Variants in PI4K2B observed in about 807,000 individuals in gnomAD.
PI4K2B encodes phosphatidylinositol 4-kinase type 2 beta.
Under a neutral mutation model 56.6 loss-of-function variants are expected in PI4K2B, and 46 were observed. The observed-to-expected ratio is 0.81, with a 90% CI of 0.64 to 1.04. The LOEUF is 1.04. Among genes scored for constraint, PI4K2B ranks in the 50% least tolerant of loss-of-function variants. The pLI is 0.00. For missense variants in PI4K2B, 556 were observed against 607.7 expected (o/e 0.91, Z 0.89); for synonymous variants, 211 against 223.8 (o/e 0.94, Z 0.51).
chr4:25,260,185 A>T (rs1716406369), intron 5 of PI4K2B, among the ~76,000 whole-genome samples: 1 of 152,152 alleles, frequency 6.6e-6, no homozygotes, highest in African/African-American at 2.4e-5. Flanking sequence ...TAGGGGGTTA[A>T]TGCTTTTTCT....
At position 25,278,716 on chromosome 4, in the gene PI4K2B, A is replaced by G. The variant is rs1413454782; in HGVS notation, c.*1529A>G. 6.6e-6 allele frequency: 1 copy of G among 152,658 alleles called. No individual in the cohort carries two copies. Among genetic ancestry groups the G allele is most frequent in the African/African-American group, 2.4e-5 (1 of 41,462 alleles). The allele number at this position is 152,658 out of a possible 1,614,324, so 9.5% of individuals were successfully genotyped here. ...CTTTAGATATAAACACTAGTAATTA[A>G]AATGTGCCTTTTGAAGATGTTTTCT... On this transcript the variant is annotated 3_prime_UTR_variant, in exon 10 of 10. Transcript: ENST00000264864.
At chr4:25,262,801 C>T (rs1445725853) in intron 6 of PI4K2B, among the ~76,000 whole-genome samples, 1 of 152,188 alleles carries the variant, frequency 6.6e-6, no homozygotes, top group East Asian at 1.9e-4. Flanking sequence ...TTACCTTCCG[C>T]AGAAATACTC....
intron 9 of PI4K2B, among the ~76,000 whole-genome samples, chr4:25,273,862 A>C (rs1226944124): frequency 1.3e-5 from 2 of 152,210 alleles, no homozygotes; most frequent in Non-Finnish European, 2.9e-5. Context: ...GGCTCCAAAC[A>C]GTGCATCTAC....
At chr4:25,267,851 A>T in intron 7 of PI4K2B, 1 of 982,698 alleles carries the variant, frequency 1.0e-6, no homozygotes, top group Non-Finnish European at 1.2e-6. Context: ...AAAGTTTAGA[A>T]CATCTTCTGT....
At chr4:25,237,699 A>G (rs1251075496) in intron 1 of PI4K2B, among the ~76,000 whole-genome samples, 1 of 152,168 alleles carries the variant, frequency 6.6e-6, no homozygotes, top group Non-Finnish European at 1.5e-5. Context: ...GAGGCTGGGC[A>G]TGGTGGCTTA....
chr4:25,254,223 G>C (rs888671252), intron 2 of PI4K2B, among the ~76,000 whole-genome samples: 1 of 152,142 alleles, frequency 6.6e-6, no homozygotes, highest in Non-Finnish European at 1.5e-5. Flanking sequence ...GATGTCCACT[G>C]TTCATCAGAT....
intron 1 of PI4K2B, among the ~76,000 whole-genome samples, chr4:25,240,490 G>C (rs1376228495): frequency 1.3e-5 from 2 of 152,142 alleles, no homozygotes; most frequent in Admixed American, 6.5e-5. Context: ...TATAAGTAGG[G>C]GTATTAATTG....
At chr4:25,267,111 A>T (rs1047430083) in intron 7 of PI4K2B, among the ~76,000 whole-genome samples, 1 of 152,230 alleles carries the variant, frequency 6.6e-6, no homozygotes, top group African/African-American at 2.4e-5. Context: ...ACAGTGCTAC[A>T]TGCTACAGAG....
At chr4:25,243,497 G>A (rs932744526) in intron 1 of PI4K2B, among the ~76,000 whole-genome samples, 1 of 152,174 alleles carries the variant, frequency 6.6e-6, no homozygotes, top group Non-Finnish European at 1.5e-5. Context: ...CTCTGATCTT[G>A]CTTTTCCTTT....
At chr4:25,265,197 C>CAAAAAA (rs1716621120) in intron 7 of PI4K2B, among the ~76,000 whole-genome samples, 1 of 5,840 alleles carries the variant, frequency 1.7e-4, no homozygotes, top group African/African-American at 6.1e-4. Flanking sequence ...CTCTGTCTCA[C>CAAAAAA]CAAAAAAAAA....
chr4:25,238,376 T>A (rs962995669), intron 1 of PI4K2B, among the ~76,000 whole-genome samples: 3 of 152,228 alleles, frequency 2.0e-5, no homozygotes, highest in Non-Finnish European at 4.4e-5. Context: ...TAAAGGTAGT[T>A]CTTATAACTT....
chr4:25,264,982 G>C (rs1204470222), intron 7 of PI4K2B, among the ~76,000 whole-genome samples: 1 of 151,900 alleles, frequency 6.6e-6, no homozygotes, highest in African/African-American at 2.4e-5. Flanking sequence ...GATTACCTGA[G>C]GTCAGGAGTT....
chr4:25,275,979 T>C (rs1717079405), intron 9 of PI4K2B, among the ~76,000 whole-genome samples: 1 of 152,190 alleles, frequency 6.6e-6, no homozygotes, highest in Admixed American at 6.5e-5. Context: ...ACCAACCATC[T>C]AGTTTATACT....
rs1409750067 is a variant in PI4K2B, at chr4:25,249,416, A to AAAGGGCGGCTGGCCGGG, written c.269-2905_269-2904insAAGGGCGGCTGGCCGGG. On this transcript the variant is annotated intron_variant, in intron 1 of 9. Coordinates refer to ENST00000264864, the MANE Select transcript of PI4K2B (RefSeq NM_018323.4). ...GCAGAGGCGCCCCTCCACCCCCCGGACAGGGCGGCTGGCCGGGCGGGGGCT... is the reference window on the plus strand; with the variant it reads ...GCAGAGGCGCCCCTCCACCCCCCGGAAAGGGCGGCTGGCCGGGCAGGGCGGCTGGCCGGGCGGGGGCT... Among the ~76,000 whole-genome samples the AAAGGGCGGCTGGCCGGG allele has an allele frequency of 3.1e-3, 428 of 137,714 alleles. 3 individuals carry two copies. The highest frequency in any genetic ancestry group is 0.01 in the African/African-American group (404 of 38,864). The allele number at this position is 137,714 out of a possible 152,430, so 90.3% of individuals were successfully genotyped here. A position where few individuals can be genotyped will look rare whatever the true frequency, so the allele number is the denominator to read the frequency against.
chr4:25,249,422 C>T (rs1240270642), intron 1 of PI4K2B, among the ~76,000 whole-genome samples: 8 of 143,128 alleles, frequency 5.6e-5, no homozygotes, highest in East Asian at 5.3e-4. Flanking sequence ...CCGGACAGGG[C>T]GGCTGGCCGG....
At position 25,234,331 on chromosome 4, in the gene PI4K2B, G is replaced by C; in HGVS notation, c.168G>C (p.Glu56Asp). ...GGCTGCTGGACGCTGCCGGGGAGGAGGGCGAGGCCGGCGACGAGGAGCTGC... is the reference window on the plus strand; with the variant it reads ...GGCTGCTGGACGCTGCCGGGGAGGACGGCGAGGCCGGCGACGAGGAGCTGC... ...AVRLLDAAGE[E>D]GEAGDEELPL... Residue 56 changes from glutamate to aspartate, a missense_variant, in exon 1 of 10, where the codon GAG becomes GAC. Transcript: ENST00000264864. The C allele has an allele frequency of 7.1e-7, 1 of 1,411,014 alleles. No homozygotes were observed. Among genetic ancestry groups the C allele is most frequent in the Non-Finnish European group, 9.3e-7 (1 of 1,079,812 alleles). The allele number at this position is 1,411,014 out of a possible 1,614,324, so 87.4% of individuals were successfully genotyped here. A position where few individuals can be genotyped will look rare whatever the true frequency, so the allele number is the denominator to read the frequency against.
chr4:25,240,393 A>T (rs563450225), intron 1 of PI4K2B, among the ~76,000 whole-genome samples: 1 of 152,174 alleles, frequency 6.6e-6, no homozygotes, highest in Non-Finnish European at 1.5e-5. Context: ...AACTGTCTGA[A>T]AAATCCTTTG....
At position 25,234,378 on chromosome 4, in the gene PI4K2B, G is replaced by A. The variant is rs1715145140; in HGVS notation, c.215G>A (p.Gly72Glu). The change falls in exon 1 of 10, where the codon GGG becomes GAG. Residue 72 changes from glycine (G) to glutamate (E), a missense_variant. Transcript: ENST00000264864. ...EELPLPPGDVGVSRSSSAELD... is the reference protein window; with the variant it reads ...EELPLPPGDVEVSRSSSAELD... ...CTGCCCCTCCCGCCCGGGGACGTGGGGGTCTCCCGGAGTTCGTCCGCCGAG... is the reference window on the plus strand; with the variant it reads ...CTGCCCCTCCCGCCCGGGGACGTGGAGGTCTCCCGGAGTTCGTCCGCCGAG... 1 of 1,403,048 alleles carries A rather than the reference G, an allele frequency of 7.1e-7. No individual in the cohort carries two copies. The highest frequency in any genetic ancestry group is 9.3e-7 in the Non-Finnish European group (1 of 1,077,628). 86.9% of individuals were successfully genotyped at this position (1,403,048 alleles called of 1,614,324 possible).
intron 1 of PI4K2B, among the ~76,000 whole-genome samples, chr4:25,247,928 C>A (rs1382709519): frequency 6.6e-6 from 1 of 152,154 alleles, no homozygotes; most frequent in African/African-American, 2.4e-5. Context: ...GTCTTGAACT[C>A]CTGGACACAA....
Sources: allele counts gnomAD v4.1 joint callset (sites outside exome capture counted in the v4.1 genomes callset), GRCh38; gene constraint gnomAD v4.1.1; transcripts MANE v1.5; gene names NCBI Gene and HGNC (gene_info 2026-07-23, HGNC 2026-07-21).